The following AUTS2 variants were observed in gnomAD, a reference collection of about 807,000 sequenced individuals.
AUTS2 encodes the protein autism susceptibility gene 2 protein.
Under a neutral mutation model 112.4 loss-of-function variants are expected in AUTS2, and 17 were observed. The observed-to-expected ratio is 0.15, with a 90% CI of 0.10 to 0.23. The LOEUF (loss-of-function observed/expected upper bound fraction) is 0.23. Ranked by LOEUF, AUTS2 falls within the 10% of genes least tolerant of loss-of-function variation. The probability of loss-of-function intolerance (pLI) is 1.00; values close to 1 mark genes in which losing one functional copy is unlikely to be tolerated. For missense variants in AUTS2, 1,510 were observed against 1,701.6 expected, an observed-to-expected ratio of 0.89 and a Z score of 1.98; for synonymous variants, 751 against 702.7, an observed-to-expected ratio of 1.07 and a Z score of -1.09.
At chr7:69,715,866 C>T (rs926512458) in intron 1 of AUTS2, among the ~76,000 whole-genome samples, 3 of 152,040 alleles carry the variant, frequency 2.0e-5, no homozygotes, top group Admixed American at 6.6e-5. Flanking sequence ...GTATAGGTAC[C>T]GTAATTATTT....
At position 70,785,888 on chromosome 7, in the gene AUTS2, A is replaced by G. The variant is rs10233246; in HGVS notation, c.2225-67A>G. The G allele has an allele frequency of 7.7e-3, 11,607 of 1,498,932 alleles. 423 individuals are homozygous for G. In the African/African-American group the frequency reaches 0.1, roughly 13 times the overall value. 92.9% of individuals were successfully genotyped at this position (1,498,932 alleles called of 1,614,324 possible). On this transcript the variant is annotated intron_variant, in intron 16 of 18. Coordinates refer to ENST00000342771, the MANE Select transcript of AUTS2 (RefSeq NM_015570.4). The stretch of plus-strand genomic sequence containing the variant: ...AGGGATCCCGCATCGCCCTGCTCCC[A>G]GGAAGCTCTGGGTTCCTCTCCCAGC...
intron 14 of AUTS2, among the ~76,000 whole-genome samples, chr7:70,779,858 A>G (rs1021808841): frequency 5.3e-5 from 8 of 152,068 alleles, no homozygotes; most frequent in Non-Finnish European, 8.8e-5. Flanking sequence ...CAACATAGAG[A>G]GAGAGACCTG....
chr7:70,754,676 G>A (rs948167280), intron 6 of AUTS2, among the ~76,000 whole-genome samples: 3 of 152,290 alleles, frequency 2.0e-5, no homozygotes, highest in Non-Finnish European at 4.4e-5. Context: ...TTTCTGTGTG[G>A]TGTGCTCTTT....
At chr7:70,660,608 C>A (rs1563109181) in intron 5 of AUTS2, among the ~76,000 whole-genome samples, 2 of 152,322 alleles carry the variant, frequency 1.3e-5, no homozygotes, top group East Asian at 3.9e-4. Context: ...CAGTTCCTTC[C>A]ACCAGTGTCA....
At chr7:70,704,714 A>G (rs1029467430) in intron 6 of AUTS2, among the ~76,000 whole-genome samples, 1 of 152,216 alleles carries the variant, frequency 6.6e-6, no homozygotes, top group African/African-American at 2.4e-5. Flanking sequence ...ACGCGGGCCA[A>G]CCCCAGACAG....
chr7:70,028,071 C>T (rs1384585563), intron 2 of AUTS2, among the ~76,000 whole-genome samples: 1 of 151,970 alleles, frequency 6.6e-6, no homozygotes, highest in Non-Finnish European at 1.5e-5. Context: ...TCCGCCCCCC[C>T]CACCCTCATC....
chr7:70,212,834 CTTAATG>C (rs974650697), intron 4 of AUTS2, among the ~76,000 whole-genome samples: 16 of 151,746 alleles, frequency 1.1e-4, no homozygotes, highest in African/African-American at 3.4e-4. Flanking sequence ...TTTCTTTTTC[CTTAATG>C]TTAATTGTGT....
intron 4 of AUTS2, among the ~76,000 whole-genome samples, chr7:70,216,778 T>C (rs1811187721): frequency 6.6e-6 from 1 of 152,218 alleles, no homozygotes; most frequent in African/African-American, 2.4e-5. Flanking sequence ...CTTTATTCCC[T>C]GTCTGCTGTC....
intron 4 of AUTS2, among the ~76,000 whole-genome samples, chr7:70,296,803 A>G (rs901226776): frequency 7.3e-5 from 11 of 151,310 alleles, no homozygotes; most frequent in African/African-American, 2.4e-4. Context: ...GGAAATTAAC[A>G]TATCAAAGCT....
intron 5 of AUTS2, among the ~76,000 whole-genome samples, chr7:70,682,314 T>C (rs779508217): frequency 6.6e-6 from 1 of 152,184 alleles, no homozygotes; most frequent in African/African-American, 2.4e-5. Context: ...AAAGAAGGGA[T>C]TACTAAAGAC....
At chr7:69,950,385 G>T (rs1310376281) in intron 2 of AUTS2, among the ~76,000 whole-genome samples, 1 of 152,048 alleles carries the variant, frequency 6.6e-6, no homozygotes, top group African/African-American at 2.4e-5. Flanking sequence ...TCCTGGTTCA[G>T]CCACTTTCTA....
intron 4 of AUTS2, among the ~76,000 whole-genome samples, chr7:70,264,805 G>GTC (rs1787339185): frequency 6.6e-6 from 1 of 152,174 alleles, no homozygotes; most frequent in Non-Finnish European, 1.5e-5. Context: ...GTAGACACAG[G>GTC]TCTCTGCATT....
At chr7:70,074,443 C>CAA (rs1251613098) in intron 2 of AUTS2, among the ~76,000 whole-genome samples, 1 of 152,126 alleles carries the variant, frequency 6.6e-6, no homozygotes, top group Non-Finnish European at 1.5e-5. Context: ...TCTTAGTTGA[C>CAA]ACTGGCCACA....
chr7:70,647,321 G>A (rs1377764448), intron 5 of AUTS2, among the ~76,000 whole-genome samples: 1 of 152,202 alleles, frequency 6.6e-6, no homozygotes, highest in Non-Finnish European at 1.5e-5. Context: ...TGGGAGCTGG[G>A]ATGAGCACTG....
chr7:70,476,626 ATGT>A, intron 5 of AUTS2, among the ~76,000 whole-genome samples: 1 of 152,190 alleles, frequency 6.6e-6, no homozygotes, highest in South Asian at 2.1e-4. Context: ...TAGCATATCC[ATGT>A]GTATTACGGT....
At chr7:69,759,156 G>A (rs1788060532) in intron 1 of AUTS2, among the ~76,000 whole-genome samples, 1 of 152,166 alleles carries the variant, frequency 6.6e-6, no homozygotes, top group Non-Finnish European at 1.5e-5. Flanking sequence ...TCAGACAGCT[G>A]TCTGCCCGGG....
chr7:70,672,824 A>C (rs2129544224), intron 5 of AUTS2, among the ~76,000 whole-genome samples: 1 of 152,192 alleles, frequency 6.6e-6, no homozygotes, highest in South Asian at 2.1e-4. Flanking sequence ...GATGGTCTCA[A>C]TCTCCTGACC....
chr7:70,309,159 T>C (rs945461498), intron 4 of AUTS2, among the ~76,000 whole-genome samples: 1 of 152,208 alleles, frequency 6.6e-6, no homozygotes, highest in Non-Finnish European at 1.5e-5. Flanking sequence ...TAAGAATTAG[T>C]GGGGTCAGTT....
At chr7:70,511,455 A>G (rs1799182111) in intron 5 of AUTS2, among the ~76,000 whole-genome samples, 1 of 151,812 alleles carries the variant, frequency 6.6e-6, no homozygotes, top group Admixed American at 6.6e-5. Flanking sequence ...AAATCTAGGT[A>G]ATCACACATC....
Sources: allele counts gnomAD v4.1 joint callset (sites outside exome capture counted in the v4.1 genomes callset), GRCh38; gene constraint gnomAD v4.1.1; transcripts MANE v1.5; gene names NCBI Gene and HGNC (gene_info 2026-07-23, HGNC 2026-07-21).